Variants in TBCK observed in about 807,000 individuals in gnomAD.
The protein encoded by TBCK is TBC domain-containing protein kinase-like protein.
TBCK carries 99 observed loss-of-function variants against 113.4 expected under a neutral mutation model. That is an observed-to-expected ratio of 0.87 (90% CI 0.74 to 1.03). The LOEUF is 1.03. Ranked by LOEUF, TBCK falls within the 50% of genes least tolerant of loss-of-function variation. The pLI is 0.00. For missense variants in TBCK, 1,045 were observed against 1,061.3 expected, an observed-to-expected ratio of 0.98 and a Z score of 0.21; for synonymous variants, 369 against 370.8, an observed-to-expected ratio of 1.00 and a Z score of 0.05.
rs187869010 is a variant in TBCK at position 106,197,436 on chromosome 4, A to G, written c.1861-2682T>C. ...GTATATATATATATATATATATAATACAAAGTAGGGCAGAAACCACTTCAA... is the reference window on the plus strand; with the variant it reads ...GTATATATATATATATATATATAATGCAAAGTAGGGCAGAAACCACTTCAA... On this transcript the variant is annotated intron_variant, in intron 20 of 25. Coordinates refer to ENST00000394708, the MANE Select transcript of TBCK (RefSeq NM_001163435.3). 9.7e-4 allele frequency among the ~76,000 whole-genome samples: 114 copies of G among 117,164 alleles called. 1 individual carries two copies. In the East Asian group the frequency reaches 0.025, roughly 25 times the overall value. 76.9% of individuals were successfully genotyped at this position (117,164 alleles called of 152,430 possible). A position where few individuals can be genotyped will look rare whatever the true frequency, so the allele number is the denominator to read the frequency against.
chr4:106,096,899 C>T (rs376219468), intron 24 of TBCK, among the ~76,000 whole-genome samples: 12 of 152,290 alleles, frequency 7.9e-5, no homozygotes, highest in African/African-American at 2.9e-4. Flanking sequence ...AAGACCCTGA[C>T]TCTAAAAGAA....
chr4:106,177,565 G>A (rs191731525), intron 22 of TBCK, among the ~76,000 whole-genome samples: 2 of 151,932 alleles, frequency 1.3e-5, no homozygotes, highest in Admixed American at 6.6e-5. Context: ...AGTTTTCCCA[G>A]CACCATTTAT....
rs576630571 is a variant in TBCK at position 106,303,986 on chromosome 4, G to A, written c.193+4782C>T. ...GGGACCCATGAAGGGGCTTGAAGGG[G>A]AATGAAGTTTAATGCACATACACAC... On this transcript the variant is annotated intron_variant, in intron 2 of 25. Coordinates refer to ENST00000394708, the MANE Select transcript of TBCK (RefSeq NM_001163435.3). 6.6e-5 allele frequency among the ~76,000 whole-genome samples: 10 copies of A among 152,192 alleles called. No homozygotes were observed. The South Asian group carries it at 2.1e-3, about 32-fold the overall frequency.
chr4:106,223,217 T>C (rs941133139), intron 19 of TBCK, among the ~76,000 whole-genome samples: 7 of 152,132 alleles, frequency 4.6e-5, no homozygotes, highest in African/African-American at 7.2e-5. Context: ...ACCAACCTAA[T>C]ACAATGCACT....
intron 23 of TBCK, among the ~76,000 whole-genome samples, chr4:106,119,060 A>C (rs1391340666): frequency 6.6e-6 from 1 of 152,208 alleles, no homozygotes; most frequent in Non-Finnish European, 1.5e-5. Flanking sequence ...CAGAGAATTT[A>C]GTTTTTCATA....
Position 106,178,272 on chromosome 4 carries a change from A to G in TBCK, c.2060-7002T>C, listed in dbSNP as rs565472856. On this transcript the variant is annotated intron_variant, in intron 22 of 25. Transcript: ENST00000394708. ...AAGGTCATGTCATCTGTGAAAAAGAATAATTTGAGTTCTTTCTTTCCAATT... is the reference window on the plus strand; with the variant it reads ...AAGGTCATGTCATCTGTGAAAAAGAGTAATTTGAGTTCTTTCTTTCCAATT... 8.8e-4 allele frequency among the ~76,000 whole-genome samples: 134 copies of G among 152,076 alleles called. 1 individual carries two copies. Among genetic ancestry groups the G allele is most frequent in the African/African-American group, 3.2e-3 (131 of 41,538 alleles).
At chr4:106,217,653 A>G (rs1472858503) in intron 19 of TBCK, among the ~76,000 whole-genome samples, 2 of 150,494 alleles carry the variant, frequency 1.3e-5, no homozygotes, top group African/African-American at 4.8e-5. Flanking sequence ...TAGGAATCCA[A>G]CTTACAAGGG....
At chr4:106,307,681 T>A (rs529249040) in intron 2 of TBCK, among the ~76,000 whole-genome samples, 1 of 152,266 alleles carries the variant, frequency 6.6e-6, no homozygotes, top group Non-Finnish European at 1.5e-5. Flanking sequence ...CGTCTACAAA[T>A]TATTTTATGT....
At chr4:106,207,497 T>C (rs1013473752) in intron 20 of TBCK, among the ~76,000 whole-genome samples, 1 of 152,172 alleles carries the variant, frequency 6.6e-6, no homozygotes, top group African/African-American at 2.4e-5. Flanking sequence ...AGGTAGAACA[T>C]TAAAGACAAC....
chr4:106,183,379 C>T (rs907596970), intron 22 of TBCK, among the ~76,000 whole-genome samples: 4 of 152,126 alleles, frequency 2.6e-5, no homozygotes, highest in African/African-American at 9.6e-5. Context: ...AGTACCACCA[C>T]CCCAGCCCAT....
At chr4:106,083,111 G>T (rs1233951317) in intron 25 of TBCK, among the ~76,000 whole-genome samples, 1 of 152,244 alleles carries the variant, frequency 6.6e-6, no homozygotes, top group African/African-American at 2.4e-5. Flanking sequence ...GCTACCTGCT[G>T]TCTAAGCCAT....
At chr4:106,205,770 AAC>A (rs1333389019) in intron 20 of TBCK, among the ~76,000 whole-genome samples, 15 of 149,374 alleles carry the variant, frequency 1.0e-4, no homozygotes, top group South Asian at 2.1e-4. Flanking sequence ...TCAAAAAAAA[AAC>A]AACAAAAAAA....
rs564397325 is a variant in TBCK at position 106,214,307 on chromosome 4, G to A, written c.1775-1472C>T. Among the ~76,000 whole-genome samples, 14 of 152,308 alleles carry A rather than the reference G, an allele frequency of 9.2e-5. No individual in the cohort carries two copies. The East Asian group carries it at 2.7e-3, about 29-fold the overall frequency. On this transcript the variant is annotated intron_variant, in intron 19 of 25. Coordinates refer to ENST00000394708, the MANE Select transcript of TBCK (RefSeq NM_001163435.3). ...AAAACTGGAAACTCTAAAAATCAGAGCGCCTCTCCTCCTCCAAAGGAACGC... is the reference window on the plus strand; with the variant it reads ...AAAACTGGAAACTCTAAAAATCAGAACGCCTCTCCTCCTCCAAAGGAACGC...
chr4:106,218,921 A>G (rs1423509454), intron 19 of TBCK, among the ~76,000 whole-genome samples: 3 of 150,912 alleles, frequency 2.0e-5, no homozygotes, highest in Admixed American at 6.6e-5. Context: ...ACATGCACAC[A>G]TATGTTTATT....
At chr4:106,160,157 A>C (rs1749602551) in intron 23 of TBCK, among the ~76,000 whole-genome samples, 1 of 152,076 alleles carries the variant, frequency 6.6e-6, no homozygotes, top group Admixed American at 6.5e-5. Flanking sequence ...ATGTATGGCC[A>C]AAAACTTTAA....
chr4:106,165,136 T>C (rs1294205896), intron 23 of TBCK, among the ~76,000 whole-genome samples: 1 of 151,736 alleles, frequency 6.6e-6, no homozygotes, highest in African/African-American at 2.4e-5. Context: ...AAATAGATTT[T>C]AAAAAATCAA....
intron 23 of TBCK, among the ~76,000 whole-genome samples, chr4:106,136,898 A>G (rs1186928343): frequency 7.1e-6 from 1 of 141,164 alleles, no homozygotes; most frequent in Non-Finnish European, 1.6e-5. Flanking sequence ...AAAGAAAGAT[A>G]GATGTATGAG....
At chr4:106,197,468 A>G (rs1432923247) in intron 20 of TBCK, among the ~76,000 whole-genome samples, 1 of 149,882 alleles carries the variant, frequency 6.7e-6, no homozygotes, top group African/African-American at 2.5e-5. Flanking sequence ...TCAAATGATC[A>G]GAGTGAAAAA....
At chr4:106,091,249 A>G (rs1401181420) in intron 25 of TBCK, among the ~76,000 whole-genome samples, 1 of 152,228 alleles carries the variant, frequency 6.6e-6, no homozygotes, top group African/African-American at 2.4e-5. Flanking sequence ...ATGAGCAGGA[A>G]CAAGAGAAAG....
Sources: allele counts gnomAD v4.1 joint callset (sites outside exome capture counted in the v4.1 genomes callset), GRCh38; gene constraint gnomAD v4.1.1; transcripts MANE v1.5; gene names NCBI Gene and HGNC (gene_info 2026-07-23, HGNC 2026-07-21).